Variants in TBX18 observed in about 807,000 individuals in gnomAD.
The protein encoded by TBX18 is T-box transcription factor 18.
A neutral mutation model predicts 55.0 loss-of-function variants in TBX18; 21 were observed. The observed-to-expected ratio is 0.38, with a 90% CI of 0.27 to 0.55. The LOEUF is 0.55. TBX18 is among the 20% of genes least tolerant of loss of function. The pLI is 0.73. For synonymous variants in TBX18, 342 were observed against 326.1 expected (o/e 1.05, Z -0.53); for missense variants, 840 against 799.6 (o/e 1.05, Z -0.61).
In TBX18 at chr6:84,762,551, C is replaced by A. The variant is rs1343433571; in HGVS notation, c.490G>T (p.Ala164Ser). The change falls in exon 2 of 8, where the codon GCC (alanine) becomes TCC (serine). Residue 164 changes from alanine (A) to serine (S), a missense_variant. By Grantham distance (99) the Ala-to-Ser change is moderately conservative. Coordinates refer to ENST00000369663, the MANE Select transcript of TBX18 (RefSeq NM_001080508.3). ...EIGTEMIITK[A>S]GRRMFPAMRV... ...CGCCAGCTTGCCCATTACCTGCCGG[C>A]CTTGGTGATGATCATCTCAGTGCCT... 6.2e-7 allele frequency: 1 copy of A among 1,614,040 alleles called. No homozygotes were observed.
At chr6:84,746,270 G>A (rs1026417032) in intron 5 of TBX18, among the ~76,000 whole-genome samples, 2 of 151,800 alleles carry the variant, frequency 1.3e-5, no homozygotes, top group East Asian at 1.9e-4. Flanking sequence ...AAGAGGTGAC[G>A]AATTGAGATT....
At position 84,763,968 on chromosome 6, in the gene TBX18, C is replaced by T. The variant is rs750395138; in HGVS notation, c.214G>A (p.Gly72Ser). The change falls in exon 1 of 8, where the codon GGC becomes AGC. Residue 72 changes from glycine (G) to serine (S), a missense_variant. By Grantham distance (56) the Gly-to-Ser change is moderately conservative. Transcript: ENST00000369663. ...CCAGCCGGCGGCGGGAGCGCAGCGC[C>T]TTCGTCTCCCTCAGAAGAACCCTTT... ...GEKGSSEGDE[G>S]AALPPPAGAT... The T allele has an allele frequency of 8.9e-6, 14 of 1,580,986 alleles. No individual in the cohort carries two copies. Among genetic ancestry groups the T allele is most frequent in the South Asian group, 5.7e-5 (5 of 88,042 alleles).
intron 6 of TBX18, among the ~76,000 whole-genome samples, chr6:84,739,590 C>T (rs1027999598): frequency 6.6e-6 from 1 of 152,102 alleles, no homozygotes; most frequent in Non-Finnish European, 1.5e-5. Flanking sequence ...GGTAACATTA[C>T]ACTTTTAATG....
At chr6:84,738,972 T>G (rs1458325561) in intron 6 of TBX18, among the ~76,000 whole-genome samples, 1 of 152,150 alleles carries the variant, frequency 6.6e-6, no homozygotes, top group East Asian at 1.9e-4. Flanking sequence ...TACTTCTCCC[T>G]CTAAGTGAGG....
At chr6:84,744,416 C>T (rs1767128104) in intron 5 of TBX18, 91 bp from the exon 6 acceptor site, 6 of 1,056,940 alleles carry the variant, frequency 5.7e-6, no homozygotes, top group Non-Finnish European at 7.1e-6. Flanking sequence ...CAAAAGTTAA[C>T]TGTTAGAGGA....
Position 84,738,538 on chromosome 6 carries a change from C to T in TBX18, c.1058G>A (p.Arg353Gln), listed in dbSNP as rs1225596463. ...AGGGATATCTTCAAAGGTCAGAGTC[C>T]GTAGTGATGGTCGCCAGAATGCATA... ...ESYAFWRPSL[R>Q]TLTFEDIPGI... Residue 353 changes from arginine to glutamine, a missense_variant, in exon 7 of 8, where the codon CGG becomes CAG. By Grantham distance (43) the Arg-to-Gln change is conservative. Transcript: ENST00000369663. The T allele has an allele frequency of 8.7e-6, 14 of 1,613,940 alleles. No homozygotes were observed. The highest frequency in any genetic ancestry group is 4.5e-5 in the East Asian group (2 of 44,888).
At chr6:84,762,825 G>C in intron 1 of TBX18, 77 bp from the exon 2 acceptor site, 2 of 1,404,974 alleles carry the variant, frequency 1.4e-6, no homozygotes, top group Non-Finnish European at 2.0e-6. Flanking sequence ...GGGCCCACCT[G>C]GTGGCTGAGA....
chr6:84,756,123 G>A (rs1440040005), intron 4 of TBX18, among the ~76,000 whole-genome samples: 1 of 152,188 alleles, frequency 6.6e-6, no homozygotes, highest in Non-Finnish European at 1.5e-5. Flanking sequence ...TTACTAAGGT[G>A]TTAAAAATGA....
rs933484434 is a variant in TBX18, at chr6:84,747,943, C to T, written c.916G>A (p.Val306Ile). The change falls in exon 5 of 8, where the codon GTC becomes ATC. Residue 306 changes from valine (V) to isoleucine (I), a missense_variant. By Grantham distance (29) the Val-to-Ile change is conservative. Coordinates refer to ENST00000369663, the MANE Select transcript of TBX18 (RefSeq NM_001080508.3). ...ACCTGCTGATTCTGATAGGCAGTGA[C>T]GGTTGTGAAGACAGTTTCTGGAAAG... ...FSFPETVFTT[V>I]TAYQNQQITR... 3.1e-6 allele frequency: 5 copies of T among 1,612,664 alleles called. No individual in the cohort carries two copies. Among genetic ancestry groups the T allele is most frequent in the African/African-American group, 1.3e-5 (1 of 75,016 alleles).
Position 84,744,298 on chromosome 6 carries a change from G to C in TBX18, c.967C>G (p.Pro323Ala), listed in dbSNP as rs1197753786. ...GAGTCTCGGAAGCCTTTAGCAAATG[G>C]ATTCCTATCTATCTTCAGGCGAGTA... ...QITRLKIDRN[P>A]FAKGFRDSGR... The change falls in exon 6 of 8, where the codon CCA (proline) becomes GCA (alanine). Residue 323 changes from proline (P) to alanine (A), a missense_variant. Transcript: ENST00000369663. 1 of 1,613,024 alleles carries C rather than the reference G, an allele frequency of 6.2e-7. No homozygotes were observed. The highest frequency in any genetic ancestry group is 8.5e-7 in the Non-Finnish European group (1 of 1,179,412).
intron 5 of TBX18, 100 bp from the exon 6 acceptor site, chr6:84,744,425 G>GCTT: frequency 1.0e-6 from 1 of 961,842 alleles, no homozygotes; most frequent in Non-Finnish European, 1.6e-6. Context: ...ACTGTTAGAG[G>GCTT]ACTCTATTGT....
intron 4 of TBX18, among the ~76,000 whole-genome samples, chr6:84,756,000 A>C (rs2127879297): frequency 6.6e-6 from 1 of 152,370 alleles, no homozygotes; most frequent in East Asian, 1.9e-4. Flanking sequence ...CTTAAATAAC[A>C]GAAACCTAAT....
intron 2 of TBX18, among the ~76,000 whole-genome samples, chr6:84,761,434 A>C (rs1767643774): frequency 6.6e-6 from 1 of 152,218 alleles, no homozygotes; most frequent in South Asian, 2.1e-4. Flanking sequence ...AAAGGTCTTT[A>C]ACTACATCCT....
chr6:84,763,991 T>C lies in TBX18; in HGVS notation c.191A>G (p.Lys64Arg). The change falls in exon 1 of 8, where the codon AAG (lysine) becomes AGG (arginine). Residue 64 changes from lysine to arginine, a missense_variant. By Grantham distance (26) the Lys-to-Arg change is conservative. Transcript: ENST00000369663. ...GCCTTCGTCTCCCTCAGAAGAACCC[T>C]TTTCGCCCGCGCCGCCGCCGCGGCT... ...GCSRGGGAGE[K>R]GSSEGDEGAA... The C allele has an allele frequency of 2.5e-6, 4 of 1,573,678 alleles. No homozygotes were observed. Among genetic ancestry groups the C allele is most frequent in the Non-Finnish European group, 3.4e-6 (4 of 1,164,952 alleles).
intron 3 of TBX18, among the ~76,000 whole-genome samples, chr6:84,757,854 A>G (rs1767537216): frequency 6.6e-6 from 1 of 152,042 alleles, no homozygotes; most frequent in South Asian, 2.1e-4. Context: ...ATATACTTAG[A>G]TATTTTCCTT....
chr6:84,762,286 C>T (rs758026715), intron 2 of TBX18, among the ~76,000 whole-genome samples: 7 of 152,228 alleles, frequency 4.6e-5, no homozygotes, highest in Non-Finnish European at 8.8e-5. Context: ...ACCGCGACAG[C>T]TGTGGCATCA....
Position 84,763,953 on chromosome 6 carries a change from G to C in TBX18, c.229C>G (p.Pro77Ala), listed in dbSNP as rs1157181495. The C allele has an allele frequency of 5.7e-6, 9 of 1,579,690 alleles. No homozygotes were observed. Among genetic ancestry groups the C allele is most frequent in the Middle Eastern group, 1.7e-4 (1 of 6,004 alleles). The change falls in exon 1 of 8, where the codon CCG becomes GCG. Residue 77 changes from proline to alanine, a missense_variant. By Grantham distance (27) the Pro-to-Ala change is conservative. Transcript: ENST00000369663. The stretch of plus-strand genomic sequence containing the variant: ...GGCCCAGACGTCGCCCCAGCCGGCG[G>C]CGGGAGCGCAGCGCCTTCGTCTCCC... ...SEGDEGAALP[P>A]PAGATSGPAR...
At chr6:84,761,722 G>T (rs1767651259) in intron 2 of TBX18, among the ~76,000 whole-genome samples, 1 of 152,068 alleles carries the variant, frequency 6.6e-6, no homozygotes, top group Non-Finnish European at 1.5e-5. Flanking sequence ...ATATTCATGT[G>T]CCTACCTCAA....
chr6:84,764,273 G>C lies in TBX18; in HGVS notation c.-92C>G, dbSNP rs1767756732. 5 of 1,354,704 alleles carry C rather than the reference G, an allele frequency of 3.7e-6. No homozygotes were observed. Among genetic ancestry groups the C allele is most frequent in the Admixed American group, 3.8e-5 (1 of 26,492 alleles). The allele number at this position is 1,354,704 out of a possible 1,614,324, so 83.9% of individuals were successfully genotyped here. On this transcript the variant is annotated 5_prime_UTR_variant, in exon 1 of 8. Coordinates refer to ENST00000369663, the MANE Select transcript of TBX18 (RefSeq NM_001080508.3). Reference sequence around the variant, plus strand: ...CTCTTCCCCCACCAAAAACTAAAAGGCTCTCGGGGCCTCCCGAGATCTGCC... The same window carrying C: ...CTCTTCCCCCACCAAAAACTAAAAGCCTCTCGGGGCCTCCCGAGATCTGCC...
Sources: gnomAD v4.1 joint callset for allele counts (sites outside exome capture counted in the v4.1 genomes callset) on GRCh38, gnomAD v4.1.1 for gene constraint, MANE v1.5 for transcripts, NCBI Gene and HGNC (gene_info 2026-07-23, HGNC 2026-07-21) for gene names.